Variants in CNGB3 observed in about 807,000 individuals in gnomAD.
CNGB3 encodes the protein cyclic nucleotide gated channel subunit beta 3.
In CNGB3, 86 loss-of-function variants were observed where a neutral mutation model predicts 92.8. The observed-to-expected ratio is 0.93, with a 90% confidence interval of 0.78 to 1.11. The LOEUF (loss-of-function observed/expected upper bound fraction) is 1.11. CNGB3 is among the 50% of genes least tolerant of loss of function. The pLI is 0.00. For missense variants in CNGB3, 1,026 were observed against 956.8 expected, an observed-to-expected ratio of 1.07 and a Z score of -0.95; for synonymous variants, 333 against 332.7, an observed-to-expected ratio of 1.00 and a Z score of -0.01.
chr8:86,584,703 G>A (rs9692884), intron 15 of CNGB3, among the ~76,000 whole-genome samples: 1 of 152,054 alleles, frequency 6.6e-6, no homozygotes, highest in Non-Finnish European at 1.5e-5. Flanking sequence ...GGAGTACAAA[G>A]AGTTGAGGTT....
chr8:86,693,420 T>TAA (rs1824356909), intron 3 of CNGB3, among the ~76,000 whole-genome samples: 2 of 53,160 alleles, frequency 3.8e-5, no homozygotes, highest in African/African-American at 1.6e-4. Context: ...TTCATTTTTT[T>TAA]TTATTATTAT....
intron 3 of CNGB3, among the ~76,000 whole-genome samples, chr8:86,710,397 C>T (rs760888541): frequency 9.9e-5 from 15 of 151,764 alleles, no homozygotes; most frequent in Non-Finnish European, 2.1e-4. Flanking sequence ...CTACTCTTTT[C>T]CTCTCACCTT....
intron 6 of CNGB3, chr8:86,659,309 C>T: frequency 1.8e-6 from 2 of 1,124,126 alleles, no homozygotes; most frequent in East Asian, 2.3e-5. Context: ...GTGCTTCCAG[C>T]TGTGCCTGCT....
chr8:86,713,710 A>C (rs943138682), intron 3 of CNGB3, among the ~76,000 whole-genome samples: 2 of 152,192 alleles, frequency 1.3e-5, no homozygotes, highest in Non-Finnish European at 2.9e-5. Flanking sequence ...TGGAGGTTAA[A>C]AATTCTGTTT....
chr8:86,664,348 C>T (rs1016154012), intron 6 of CNGB3, among the ~76,000 whole-genome samples: 4 of 152,158 alleles, frequency 2.6e-5, no homozygotes, highest in East Asian at 1.9e-4. Flanking sequence ...GGAGATTAAG[C>T]GACCTAACTG....
At chr8:86,589,355 T>G (rs1403045708) in intron 15 of CNGB3, among the ~76,000 whole-genome samples, 1 of 148,746 alleles carries the variant, frequency 6.7e-6, no homozygotes, top group African/African-American at 2.5e-5. Context: ...CTGCTCTGAT[T>G]TTAGTTATTT....
chr8:86,607,237 A>G lies in CNGB3; in HGVS notation c.1663-3026T>C, dbSNP rs571227297. ...ACTATTTCTTGCATATTTCTAGGCT[A>G]ATTTAAGCCTTTTCTGCAAGTTTAA... On this transcript the variant is annotated intron_variant, in intron 14 of 17. Transcript: ENST00000320005. Among the ~76,000 whole-genome samples the G allele has an allele frequency of 1.3e-3, 196 of 152,328 alleles. 3 individuals carry two copies. The South Asian group carries it at 0.018, about 14-fold the overall frequency.
chr8:86,715,105 C>A (rs1355180910), intron 3 of CNGB3, among the ~76,000 whole-genome samples: 2 of 152,108 alleles, frequency 1.3e-5, no homozygotes, highest in African/African-American at 4.8e-5. Context: ...AGCTCTATAA[C>A]CCTGCCCACC....
chr8:86,731,782 T>C (rs188530314), intron 2 of CNGB3, among the ~76,000 whole-genome samples: 238 of 152,230 alleles, frequency 1.6e-3, no homozygotes, highest in African/African-American at 5.6e-3. Context: ...AGATAAAGAC[T>C]CCATTTGAGA....
intron 13 of CNGB3, 23 bp from the exon 14 acceptor site, chr8:86,611,694 C>T (rs770523874): frequency 3.3e-6 from 5 of 1,525,258 alleles, no homozygotes; most frequent in Admixed American, 1.7e-5. Context: ...AAAAATAATT[C>T]TTATAGAAAC....
intron 15 of CNGB3, among the ~76,000 whole-genome samples, chr8:86,594,876 T>G (rs953685937): frequency 2.0e-5 from 3 of 152,108 alleles, no homozygotes; most frequent in Non-Finnish European, 4.4e-5. Flanking sequence ...GCCCAGCTAA[T>G]TTTTGTATAT....
rs745969238 is a variant in CNGB3 at position 86,726,662 on chromosome 8, GA to G, written c.212-6del. ...AATTTTTCTTGGAGAGTTTGTCTAT[GA>G]AAAAAAAATTCACATAGATAGAAGA... On this transcript the variant is annotated splice_region_variant and splice_polypyrimidine_tract_variant and intron_variant, in intron 2 of 17. Transcript: ENST00000320005. 166 of 1,609,014 alleles carry G rather than the reference GA, an allele frequency of 1.0e-4. 2 individuals are homozygous for G. Among genetic ancestry groups the G allele is most frequent in the Middle Eastern group, 4.9e-4 (3 of 6,062 alleles).
intron 3 of CNGB3, among the ~76,000 whole-genome samples, chr8:86,702,256 A>G (rs985400272): frequency 1.3e-5 from 2 of 152,218 alleles, no homozygotes; most frequent in Non-Finnish European, 2.9e-5. Context: ...CGGAAGATCA[A>G]TGAATCAGTA....
chr8:86,738,564 G>A (rs923760038), intron 2 of CNGB3, among the ~76,000 whole-genome samples: 3 of 152,190 alleles, frequency 2.0e-5, no homozygotes, highest in African/African-American at 7.2e-5. Flanking sequence ...AGTGGGCCGG[G>A]CGCGGTGGCT....
intron 3 of CNGB3, among the ~76,000 whole-genome samples, chr8:86,717,530 T>A (rs1824879559): frequency 7.2e-6 from 1 of 139,034 alleles, no homozygotes; most frequent in South Asian, 2.3e-4. Flanking sequence ...GCAACTGTAC[T>A]CCAGCCTGGT....
intron 3 of CNGB3, among the ~76,000 whole-genome samples, chr8:86,715,811 A>C (rs1043733397): frequency 8.3e-5 from 10 of 121,060 alleles, no homozygotes; most frequent in Admixed American, 6.9e-4. Context: ...AACATCACAC[A>C]CTGGGGCCTG....
chr8:86,742,052 C>T (rs532050064), intron 1 of CNGB3, among the ~76,000 whole-genome samples: 30 of 152,290 alleles, frequency 2.0e-4, no homozygotes, highest in Admixed American at 3.3e-4. Context: ...GGACCTGTGA[C>T]TGTTGTGAGG....
In CNGB3 at chr8:86,589,938, G is replaced by A. The variant is rs577125828; in HGVS notation, c.1782-10686C>T. Among the ~76,000 whole-genome samples, 1,308 of 150,138 alleles carry A rather than the reference G, an allele frequency of 8.7e-3. 14 individuals are homozygous for A. Among genetic ancestry groups the A allele is most frequent in the Middle Eastern group, 0.028 (8 of 290 alleles). ...TGATCTGTCTAATGTTGACAGTGGG[G>A]TGTTAAAGTCTCCCATTATTATTGT... is the stretch of plus-strand genomic sequence containing the variant. On this transcript the variant is annotated intron_variant, in intron 15 of 17. Coordinates refer to ENST00000320005, the MANE Select transcript of CNGB3 (RefSeq NM_019098.5).
At chr8:86,743,026 C>G (rs11775142) in intron 1 of CNGB3, among the ~76,000 whole-genome samples, 15,057 of 152,170 alleles carry the variant, frequency 0.099, 978 homozygotes, top group Non-Finnish European at 0.15. Context: ...CATCCCCACC[C>G]CGGAGCTATG....
Sources: allele counts gnomAD v4.1 joint callset (sites outside exome capture counted in the v4.1 genomes callset), GRCh38; gene constraint gnomAD v4.1.1; transcripts MANE v1.5; gene names NCBI Gene and HGNC (gene_info 2026-07-23, HGNC 2026-07-21).